BCAT1: variants seen among roughly 807,000 people sequenced by gnomAD.
The protein encoded by BCAT1 is branched-chain-amino-acid aminotransferase, cytosolic.
BCAT1 carries 48 observed loss-of-function variants against 52.4 expected under a neutral mutation model. The observed-to-expected ratio is 0.92, with a 90% CI of 0.73 to 1.16. BCAT1 has a LOEUF of 1.16. Ranked by LOEUF, BCAT1 falls within the 50% of genes most tolerant of loss-of-function variation. The probability of loss-of-function intolerance (pLI) is 0.00; values close to 1 mark genes in which losing one functional copy is unlikely to be tolerated. For missense variants in BCAT1, 451 were observed against 457.1 expected (o/e 0.99, Z 0.12); for synonymous variants, 167 against 161.3 (o/e 1.04, Z -0.27).
In BCAT1 at chr12:24,821,204, A is replaced by G. The variant is rs560854969; in HGVS notation, c.1120-3155T>C. Among the ~76,000 whole-genome samples the G allele has an allele frequency of 2.6e-5, 4 of 152,300 alleles. No individual in the cohort carries two copies. In the East Asian group the frequency reaches 7.7e-4, roughly 29 times the overall value. The stretch of plus-strand genomic sequence containing the variant: ...TGAAAACAAGAAAAATACAATAACC[A>G]CTAATAGTCATTTGTCCTTGAAAAC... On this transcript the variant is annotated intron_variant, in intron 10 of 10. Transcript: ENST00000261192.
At chr12:24,879,364 C>G (rs1264976954) in intron 4 of BCAT1, among the ~76,000 whole-genome samples, 1 of 151,978 alleles carries the variant, frequency 6.6e-6, no homozygotes, top group Non-Finnish European at 1.5e-5. Flanking sequence ...AAGCAAAGAG[C>G]ACTTTATTTC....
intron 1 of BCAT1, among the ~76,000 whole-genome samples, chr12:24,926,307 C>T (rs1203118093): frequency 6.6e-6 from 1 of 151,998 alleles, no homozygotes; most frequent in East Asian, 1.9e-4. Context: ...AGAGCCCCTC[C>T]GCCCAGCAGC....
intron 5 of BCAT1, among the ~76,000 whole-genome samples, chr12:24,867,070 C>A (rs746149477): frequency 2.0e-5 from 3 of 151,972 alleles, no homozygotes; most frequent in Non-Finnish European, 4.4e-5. Context: ...CCGCAAGGAA[C>A]GAACAACTCC....
intron 1 of BCAT1, among the ~76,000 whole-genome samples, chr12:24,933,339 C>CA (rs932178526): frequency 1.3e-5 from 2 of 151,820 alleles, no homozygotes; most frequent in African/African-American, 4.8e-5. Context: ...ATTTCATAAA[C>CA]AAAAAAACTG....
intron 6 of BCAT1, 139 bp from the exon 7 acceptor site, chr12:24,842,363 CT>C (rs1941202434): frequency 1.1e-6 from 1 of 900,150 alleles, no homozygotes; most frequent in Non-Finnish European, 1.7e-6. Context: ...TATACACTCT[CT>C]AGTCAACTGC....
intron 3 of BCAT1, among the ~76,000 whole-genome samples, chr12:24,892,410 C>T (rs1440257162): frequency 6.6e-6 from 1 of 152,144 alleles, no homozygotes; most frequent in Non-Finnish European, 1.5e-5. Flanking sequence ...GCCAGCAATT[C>T]CCAAAATGTG....
chr12:24,843,045 A>T (rs986726336), intron 6 of BCAT1, among the ~76,000 whole-genome samples: 2 of 152,210 alleles, frequency 1.3e-5, no homozygotes, highest in African/African-American at 4.8e-5. Context: ...CCCTGGTTGT[A>T]TAACTCAGTA....
intron 5 of BCAT1, among the ~76,000 whole-genome samples, chr12:24,858,284 G>GA (rs1346740931): frequency 2.6e-5 from 4 of 152,084 alleles, no homozygotes; most frequent in Non-Finnish European, 5.9e-5. Flanking sequence ...TAATTGGCTT[G>GA]AAAAATAAGC....
At chr12:24,936,749 A>T (rs1422672873) in intron 1 of BCAT1, among the ~76,000 whole-genome samples, 1 of 82,664 alleles carries the variant, frequency 1.2e-5, no homozygotes, top group African/African-American at 3.2e-5. Flanking sequence ...ACATACACAC[A>T]CACATACACA....
Position 24,878,581 on chromosome 12 carries a change from T to C in BCAT1, c.459A>G (p.Pro153=). 1 of 1,611,712 alleles carries C rather than the reference T, an allele frequency of 6.2e-7. No individual in the cohort carries two copies. Among genetic ancestry groups the C allele is most frequent in the East Asian group, 2.2e-5 (1 of 44,800 alleles). Reference sequence around the variant, plus strand: ...TATACAGACTAGCAGATGTTGAATATGGGACCCATTCTTGATCCAATTTCA... The same window carrying C: ...TATACAGACTAGCAGATGTTGAATACGGGACCCATTCTTGATCCAATTTCA... ...QLVKLDQEWV[P]YSTSASLYIR... is the part of the protein sequence containing the mutation. Residue 153 remains proline (P), a synonymous_variant, in exon 5 of 11, where the codon CCA becomes CCG. Transcript: ENST00000261192.
At chr12:24,932,695 G>A (rs1943693213) in intron 1 of BCAT1, among the ~76,000 whole-genome samples, 1 of 152,196 alleles carries the variant, frequency 6.6e-6, no homozygotes, top group South Asian at 2.1e-4. Flanking sequence ...GGAGTGCAGT[G>A]GCACAATCTT....
chr12:24,930,994 C>G (rs549983087), intron 1 of BCAT1, among the ~76,000 whole-genome samples: 11 of 151,254 alleles, frequency 7.3e-5, no homozygotes, highest in African/African-American at 2.4e-4. Context: ...CCTCCACCTC[C>G]CAGGTTCTGG....
chr12:24,904,760 A>C (rs1461037595), intron 1 of BCAT1: 2 of 152,230 alleles, frequency 1.3e-5, no homozygotes, highest in African/African-American at 4.8e-5. Context: ...TGTTCGAAGC[A>C]CTGGGCTAGT....
intron 1 of BCAT1, among the ~76,000 whole-genome samples, chr12:24,916,839 G>A (rs917792012): frequency 1.4e-4 from 21 of 152,248 alleles, no homozygotes; most frequent in African/African-American, 5.1e-4. Context: ...ATGCACAGCC[G>A]AAAATAGGTT....
chr12:24,872,914 C>T (rs1248809968), intron 5 of BCAT1, among the ~76,000 whole-genome samples: 1 of 152,212 alleles, frequency 6.6e-6, no homozygotes, highest in Non-Finnish European at 1.5e-5. Flanking sequence ...AAGTGGAAGG[C>T]TAAGAGCAAC....
rs1939724514 is a variant in BCAT1, at chr12:24,812,570, C to T, written c.*5438G>A. ...ATGAAGTGTTTGCTATATTTAGTCACTACCTAGTAGCATTATTTGTATTTA... is the reference window on the plus strand; with the variant it reads ...ATGAAGTGTTTGCTATATTTAGTCATTACCTAGTAGCATTATTTGTATTTA... On this transcript the variant is annotated 3_prime_UTR_variant, in exon 11 of 11. Transcript: ENST00000261192. 6.6e-6 allele frequency: 1 copy of T among 152,000 alleles called. No homozygotes were observed. The highest frequency in any genetic ancestry group is 1.5e-5 in the Non-Finnish European group (1 of 67,886). The allele number at this position is 152,000 out of a possible 1,614,324, so 9.4% of individuals were successfully genotyped here. A position where few individuals can be genotyped will look rare whatever the true frequency, so the allele number is the denominator to read the frequency against.
chr12:24,875,768 C>A (rs1009833421), intron 5 of BCAT1, among the ~76,000 whole-genome samples: 1 of 152,082 alleles, frequency 6.6e-6, no homozygotes, highest in African/African-American at 2.4e-5. Flanking sequence ...CAAGATGGAC[C>A]ACAAAACCTG....
At chr12:24,946,912 A>C (rs1733760131) in intron 1 of BCAT1, among the ~76,000 whole-genome samples, 1 of 152,196 alleles carries the variant, frequency 6.6e-6, no homozygotes. Flanking sequence ...AAAAGGAAAA[A>C]TATTTTTCCC....
In BCAT1 at chr12:24,831,294, G is replaced by A. The variant is rs538632649; in HGVS notation, c.1045-1397C>T. Among the ~76,000 whole-genome samples the A allele has an allele frequency of 2.6e-5, 4 of 152,200 alleles. No individual in the cohort carries two copies. In the East Asian group the frequency reaches 7.7e-4, roughly 29 times the overall value. On this transcript the variant is annotated intron_variant, in intron 9 of 10. Coordinates refer to ENST00000261192, the MANE Select transcript of BCAT1 (RefSeq NM_005504.7). Reference sequence around the variant, plus strand: ...AAATATGTGCCAATCGACTGTTTTTGTTGTTGATAAGGCTTCCGGTGAACA... The same window carrying A: ...AAATATGTGCCAATCGACTGTTTTTATTGTTGATAAGGCTTCCGGTGAACA...
Sources: allele counts gnomAD v4.1 joint callset (sites outside exome capture counted in the v4.1 genomes callset), GRCh38; gene constraint gnomAD v4.1.1; transcripts MANE v1.5; gene names NCBI Gene and HGNC (gene_info 2026-07-23, HGNC 2026-07-21).